The following EXOC4 variants were observed in gnomAD, a reference collection of about 807,000 sequenced individuals.
The protein encoded by EXOC4 is SEC8-like 1.
In EXOC4, 71 loss-of-function variants were observed where a neutral mutation model predicts 107.2. The ratio of observed to expected loss-of-function variants is 0.66; its 90% CI spans 0.55 to 0.81. The LOEUF (loss-of-function observed/expected upper bound fraction) is 0.81. Ranked by LOEUF, EXOC4 falls within the 30% of genes least tolerant of loss-of-function variation. EXOC4 has a pLI of 0.00. For synonymous variants in EXOC4, 456 were observed against 441.2 expected, an observed-to-expected ratio of 1.03 and a Z score of -0.42; for missense variants, 1,108 against 1,189.6, an observed-to-expected ratio of 0.93 and a Z score of 1.01.
intron 10 of EXOC4, among the ~76,000 whole-genome samples, chr7:133,651,292 A>T (rs1319924381): frequency 2.0e-5 from 3 of 152,214 alleles, no homozygotes; most frequent in African/African-American, 7.2e-5. Flanking sequence ...GGAACTTTTC[A>T]TTCAAACTTG....
At chr7:134,035,239 TTCTG>T (rs1391887043) in intron 17 of EXOC4, among the ~76,000 whole-genome samples, 1 of 151,890 alleles carries the variant, frequency 6.6e-6, no homozygotes, top group Non-Finnish European at 1.5e-5. Context: ...GAGACAGGGT[TTCTG>T]TCTGTTGGTC....
intron 7 of EXOC4, among the ~76,000 whole-genome samples, chr7:133,380,229 A>C (rs1333969030): frequency 1.4e-5 from 2 of 141,576 alleles, no homozygotes; most frequent in Non-Finnish European, 3.0e-5. Flanking sequence ...CCTAGAACTT[A>C]AAGTATAATA....
chr7:133,825,547 T>G (rs962957349), intron 11 of EXOC4, among the ~76,000 whole-genome samples: 2 of 152,162 alleles, frequency 1.3e-5, no homozygotes, highest in Non-Finnish European at 2.9e-5. Context: ...GAGATAATTA[T>G]ACTGCTGCCC....
At chr7:134,089,528 C>T in the EXOC4 span, among the ~76,000 whole-genome samples, 34 of 152,258 alleles carry the variant, frequency 2.2e-4, no homozygotes, top group African/African-American at 8.2e-4. Context: ...TCTAACTTCA[C>T]GTGTCCCAAG....
chr7:133,365,217 C>T (rs1245101334), intron 6 of EXOC4, among the ~76,000 whole-genome samples: 2 of 152,146 alleles, frequency 1.3e-5, no homozygotes, highest in East Asian at 1.9e-4. Context: ...CAACAAAGCA[C>T]TTGTACTAAG....
At chr7:133,317,844 G>A (rs1205785384) in intron 5 of EXOC4, among the ~76,000 whole-genome samples, 21 of 152,074 alleles carry the variant, frequency 1.4e-4, no homozygotes, top group Admixed American at 1.4e-3. Flanking sequence ...ACCATGCCCA[G>A]CTAATTTTTG....
At chr7:133,706,599 C>T in intron 10 of EXOC4, among the ~76,000 whole-genome samples, 1 of 152,120 alleles carries the variant, frequency 6.6e-6, no homozygotes, top group Non-Finnish European at 1.5e-5. Flanking sequence ...TTATTGCACC[C>T]AGTACATCCA....
At chr7:133,260,422 C>T (rs888348490) in intron 1 of EXOC4, among the ~76,000 whole-genome samples, 10 of 151,984 alleles carry the variant, frequency 6.6e-5, no homozygotes, top group Admixed American at 3.9e-4. Flanking sequence ...TATAGGCGTG[C>T]GCCACCACAC....
chr7:134,083,670 A>G, the EXOC4 span, among the ~76,000 whole-genome samples: 1 of 152,100 alleles, frequency 6.6e-6, no homozygotes, highest in East Asian at 1.9e-4. Flanking sequence ...GGACTTCTTA[A>G]ATGGTGACTC....
chr7:133,510,477 A>C (rs1186257310), intron 9 of EXOC4, among the ~76,000 whole-genome samples: 1 of 152,144 alleles, frequency 6.6e-6, no homozygotes, highest in African/African-American at 2.4e-5. Flanking sequence ...GCTCTGCTCA[A>C]TAGGCTGGTG....
intron 7 of EXOC4, among the ~76,000 whole-genome samples, chr7:133,436,057 T>TTTG (rs895608527): frequency 2.6e-5 from 4 of 151,278 alleles, no homozygotes; most frequent in African/African-American, 9.7e-5. Flanking sequence ...TGTTTTTTTT[T>TTTG]TTTTGTTTTT....
chr7:133,765,600 G>T (rs1407291800), intron 10 of EXOC4, among the ~76,000 whole-genome samples: 1 of 151,920 alleles, frequency 6.6e-6, no homozygotes, highest in East Asian at 1.9e-4. Context: ...TAAGATCTTT[G>T]TGTAGCATAG....
At chr7:133,299,579 G>A (rs183879876) in intron 3 of EXOC4, among the ~76,000 whole-genome samples, 189 of 152,264 alleles carry the variant, frequency 1.2e-3, no homozygotes, top group African/African-American at 4.4e-3. Flanking sequence ...GCATTTCATG[G>A]TAGTAATAGG....
intron 2 of EXOC4, among the ~76,000 whole-genome samples, chr7:133,284,787 G>A (rs1313389259): frequency 6.6e-6 from 1 of 151,870 alleles, no homozygotes; most frequent in Non-Finnish European, 1.5e-5. Context: ...TGCTTGCCTC[G>A]GCCTCCCGAG....
chr7:133,357,365 T>C (rs1037387087), intron 6 of EXOC4, among the ~76,000 whole-genome samples: 1 of 152,236 alleles, frequency 6.6e-6, no homozygotes, highest in Non-Finnish European at 1.5e-5. Context: ...TGAATACTAG[T>C]CCATTTGATT....
intron 11 of EXOC4, among the ~76,000 whole-genome samples, chr7:133,859,940 G>A (rs1798498152): frequency 1.3e-5 from 2 of 152,126 alleles, no homozygotes; most frequent in Admixed American, 6.6e-5. Context: ...GATTTGTGCT[G>A]TCTTCTATAA....
chr7:134,047,744 A>C (rs981999663), intron 17 of EXOC4, among the ~76,000 whole-genome samples: 2 of 152,178 alleles, frequency 1.3e-5, no homozygotes, highest in African/African-American at 4.8e-5. Context: ...TAAGGTTATC[A>C]AGCCTTTCTT....
intron 9 of EXOC4, among the ~76,000 whole-genome samples, chr7:133,617,421 A>G (rs1802219864): frequency 6.6e-6 from 1 of 152,224 alleles, no homozygotes; most frequent in South Asian, 2.1e-4. Context: ...AATGCCAGAT[A>G]AAACATTAAA....
At chr7:133,474,303 G>A (rs1473311448) in intron 7 of EXOC4, among the ~76,000 whole-genome samples, 2 of 151,852 alleles carry the variant, frequency 1.3e-5, no homozygotes, top group South Asian at 2.1e-4. Context: ...CCTATTGGCA[G>A]TAGTAGATTT....
Sources: allele counts gnomAD v4.1 joint callset (sites outside exome capture counted in the v4.1 genomes callset), GRCh38; gene constraint gnomAD v4.1.1; transcripts MANE v1.5; gene names NCBI Gene and HGNC (gene_info 2026-07-23, HGNC 2026-07-21).